Variants in LGR6 observed in about 807,000 individuals in gnomAD.
LGR6 encodes the protein leucine rich repeat containing G protein-coupled receptor 6, also known as leucine-rich repeat-containing G protein-coupled receptor 6.
LGR6 carries 45 observed loss-of-function variants against 69.4 expected under a neutral mutation model. The ratio of observed to expected loss-of-function variants is 0.65; its 90% CI spans 0.51 to 0.83. The LOEUF (loss-of-function observed/expected upper bound fraction) is 0.83, where lower values mean the gene tolerates loss of function less well. Among genes scored for constraint, LGR6 ranks in the 40% least tolerant of loss-of-function variants. LGR6 has a pLI of 0.00. For missense variants in LGR6, 1,108 were observed against 1,246.7 expected, an observed-to-expected ratio of 0.89 and a Z score of 1.68; for synonymous variants, 538 against 555.0, an observed-to-expected ratio of 0.97 and a Z score of 0.43.
intron 15 of LGR6, 35 bp downstream of exon 15, chr1:202,309,211 C>T: frequency 6.2e-7 from 1 of 1,611,030 alleles, no homozygotes; most frequent in South Asian, 1.1e-5. Context: ...CCTGGGTAGG[C>T]CAGCTGGAGA....
At chr1:202,264,101 A>G (rs1664456298) in intron 4 of LGR6, among the ~76,000 whole-genome samples, 1 of 152,006 alleles carries the variant, frequency 6.6e-6, no homozygotes, top group Admixed American at 6.6e-5. Flanking sequence ...GGGAGGGTTG[A>G]AACTATACAG....
At chr1:202,244,745 A>G (rs1449006430) in intron 4 of LGR6, among the ~76,000 whole-genome samples, 3 of 152,166 alleles carry the variant, frequency 2.0e-5, no homozygotes, top group East Asian at 1.9e-4. Flanking sequence ...TGGAAGTTGT[A>G]TATCTTCTGG....
chr1:202,313,433 C>T (rs563995244), intron 16 of LGR6, among the ~76,000 whole-genome samples: 1 of 152,156 alleles, frequency 6.6e-6, no homozygotes, highest in African/African-American at 2.4e-5. Flanking sequence ...AGTAATCAGT[C>T]CCTTGCCTGG....
At chr1:202,303,771 C>T (rs896170401) in intron 10 of LGR6, among the ~76,000 whole-genome samples, 10 of 152,150 alleles carry the variant, frequency 6.6e-5, no homozygotes, top group Non-Finnish European at 1.3e-4. Context: ...GCATAGTAGG[C>T]CCTCAATACA....
At chr1:202,205,498 C>T (rs1224922403) in intron 1 of LGR6, among the ~76,000 whole-genome samples, 4 of 2,204 alleles carry the variant, frequency 1.8e-3, no homozygotes, top group African/African-American at 2.8e-3. Flanking sequence ...CACACACACC[C>T]TGCTTCAAAC....
At chr1:202,310,665 C>T (rs1302230517) in intron 16 of LGR6, among the ~76,000 whole-genome samples, 3 of 152,172 alleles carry the variant, frequency 2.0e-5, no homozygotes, top group African/African-American at 7.2e-5. Flanking sequence ...TAACCCTCCC[C>T]TTGTGGTCCA....
chr1:202,270,053 G>C (rs1317777679), intron 4 of LGR6, among the ~76,000 whole-genome samples: 2 of 151,992 alleles, frequency 1.3e-5, no homozygotes, highest in African/African-American at 4.8e-5. Context: ...TCCCAGAAAG[G>C]GTCCACTAGA....
rs562329505 is a variant in LGR6, at chr1:202,267,454, G to A, written c.429-8852G>A. ...AGGAGTGTACTCTTTAACTGAGAAGGTTTCTTTTCATTAAATGGGACAGGC... is the reference window on the plus strand; with the variant it reads ...AGGAGTGTACTCTTTAACTGAGAAGATTTCTTTTCATTAAATGGGACAGGC... On this transcript the variant is annotated intron_variant, in intron 4 of 17. Transcript: ENST00000367278. Among the ~76,000 whole-genome samples, 9 of 152,232 alleles carry A rather than the reference G, an allele frequency of 5.9e-5. No individual in the cohort carries two copies. In the South Asian group the frequency reaches 1.2e-3, roughly 21 times the overall value.
intron 4 of LGR6, among the ~76,000 whole-genome samples, chr1:202,241,328 G>C (rs1311560673): frequency 6.6e-6 from 1 of 152,196 alleles, no homozygotes; most frequent in African/African-American, 2.4e-5. Context: ...GTTCAGTCTT[G>C]TGGTCCACTT....
At chr1:202,297,341 T>C (rs1667234354) in intron 6 of LGR6, among the ~76,000 whole-genome samples, 167 bp from the exon 7 acceptor site, 1 of 152,208 alleles carries the variant, frequency 6.6e-6, no homozygotes, top group Non-Finnish European at 1.5e-5. Flanking sequence ...GGAATAGGAT[T>C]GGAGCATGAA....
chr1:202,305,976 A>G (rs1041685066), intron 12 of LGR6, among the ~76,000 whole-genome samples: 4 of 152,222 alleles, frequency 2.6e-5, no homozygotes, highest in African/African-American at 7.2e-5. Flanking sequence ...GCTGGTGCCC[A>G]AAAGGAGTCT....
At position 202,304,617 on chromosome 1, in the gene LGR6, A is replaced by G; in HGVS notation, c.1057A>G (p.Arg353Gly). The part of the protein sequence containing the change: ...LPSGMCQQLP[R>G]LRVLELSHNQ... ...ATCGGGGATGTGCCAACAGCTGCCC[A>G]GGCTCCGAGTCCTGTGAGTGCTCAC... Residue 353 changes from arginine to glycine, a missense_variant, in exon 11 of 18, where the codon AGG becomes GGG. Coordinates refer to ENST00000367278, the MANE Select transcript of LGR6 (RefSeq NM_001017403.2). 6.2e-7 allele frequency: 1 copy of G among 1,610,202 alleles called. No homozygotes were observed. Among genetic ancestry groups the G allele is most frequent in the Middle Eastern group, 1.7e-4 (1 of 6,042 alleles).
intron 1 of LGR6, among the ~76,000 whole-genome samples, chr1:202,213,651 AGAGG>A (rs1659567194): frequency 6.6e-6 from 1 of 152,270 alleles, no homozygotes; most frequent in South Asian, 2.1e-4. Flanking sequence ...GCAGGTGAGG[AGAGG>A]GATGTCCACT....
intron 4 of LGR6, among the ~76,000 whole-genome samples, chr1:202,274,826 G>GTTC (rs1168282396): frequency 6.6e-6 from 1 of 152,196 alleles, no homozygotes. Context: ...ACTCACTGAA[G>GTTC]GGCTTTTGGT....
chr1:202,205,159 C>T (rs1052957008), intron 1 of LGR6, among the ~76,000 whole-genome samples: 2 of 93,056 alleles, frequency 2.1e-5, no homozygotes, highest in African/African-American at 8.9e-5. Context: ...TCCACACACA[C>T]CTAACACACA....
intron 1 of LGR6, chr1:202,196,998 A>C (rs769382710): frequency 5.7e-6 from 3 of 530,262 alleles, no homozygotes; most frequent in Non-Finnish European, 7.7e-6. Flanking sequence ...TAAAATGAAA[A>C]ATGTTAAAAC....
At chr1:202,225,553 A>G in intron 2 of LGR6, 59 bp downstream of exon 2, 1 of 1,456,186 alleles carries the variant, frequency 6.9e-7, no homozygotes, top group Non-Finnish European at 9.6e-7. Flanking sequence ...TATCTCTGGA[A>G]CCAGAGCTCC....
At chr1:202,293,914 C>G (rs1316015114) in intron 6 of LGR6, among the ~76,000 whole-genome samples, 1 of 152,168 alleles carries the variant, frequency 6.6e-6, no homozygotes, top group Non-Finnish European at 1.5e-5. Context: ...CCAGAAACTG[C>G]CAAGGAGGGC....
At chr1:202,295,914 T>TGTGTGTGTGA (rs1491307649) in intron 6 of LGR6, among the ~76,000 whole-genome samples, 1 of 137,088 alleles carries the variant, frequency 7.3e-6, no homozygotes, top group Non-Finnish European at 1.6e-5. Flanking sequence ...TGTGTGTGTG[T>TGTGTGTGTGA]GACAATTATC....
Sources: gnomAD v4.1 joint callset for allele counts (sites outside exome capture counted in the v4.1 genomes callset) on GRCh38, gnomAD v4.1.1 for gene constraint, MANE v1.5 for transcripts, NCBI Gene and HGNC (gene_info 2026-07-23, HGNC 2026-07-21) for gene names.